The following TRERF1 variants were observed in gnomAD, a reference collection of about 807,000 sequenced individuals.
The protein encoded by TRERF1 is transcriptional regulating factor 1.
Under a neutral mutation model 122.9 loss-of-function variants are expected in TRERF1, and 27 were observed. That is an observed-to-expected ratio of 0.22 (90% CI 0.16 to 0.30). The LOEUF (loss-of-function observed/expected upper bound fraction) is 0.30, where lower values mean the gene tolerates loss of function less well. TRERF1 is among the 10% of genes least tolerant of loss of function. The probability of loss-of-function intolerance (pLI) is 1.00; values close to 1 mark genes in which losing one functional copy is unlikely to be tolerated. For synonymous variants in TRERF1, 636 were observed against 641.7 expected, an observed-to-expected ratio of 0.99 and a Z score of 0.13; for missense variants, 1,248 against 1,560.3, an observed-to-expected ratio of 0.80 and a Z score of 3.37.
chr6:42,449,711 G>A (rs535107437), intron 2 of TRERF1, among the ~76,000 whole-genome samples: 5 of 152,222 alleles, frequency 3.3e-5, no homozygotes, highest in Non-Finnish European at 5.9e-5. Context: ...TGCCTAGTTA[G>A]GAACATTTGA....
chr6:42,424,762 T>C (rs1367728169), intron 2 of TRERF1, among the ~76,000 whole-genome samples: 1 of 152,258 alleles, frequency 6.6e-6, no homozygotes. Context: ...CCCTGGTTAC[T>C]AATGAAATTA....
chr6:42,270,989 G>A (rs376857828), intron 4 of TRERF1, among the ~76,000 whole-genome samples: 5 of 151,536 alleles, frequency 3.3e-5, no homozygotes, highest in Non-Finnish European at 5.9e-5. Flanking sequence ...GGATGGTCTC[G>A]ATCTCCTGAC....
chr6:42,242,340 C>G (rs1773901223), intron 15 of TRERF1, among the ~76,000 whole-genome samples: 2 of 152,186 alleles, frequency 1.3e-5, no homozygotes, highest in Admixed American at 1.3e-4. Context: ...GAAAATAACA[C>G]ACATACATGT....
intron 4 of TRERF1, among the ~76,000 whole-genome samples, chr6:42,284,832 A>T (rs1273589793): frequency 6.6e-6 from 1 of 152,154 alleles, no homozygotes; most frequent in Non-Finnish European, 1.5e-5. Context: ...ATTGTGTTTC[A>T]TGCATTCAAA....
In TRERF1 at chr6:42,262,759, G is replaced by A. The variant is rs4432974; in HGVS notation, c.1884+561C>T. Among the ~76,000 whole-genome samples, 8 of 152,268 alleles carry A rather than the reference G, an allele frequency of 5.3e-5. No individual in the cohort carries two copies. In the South Asian group the frequency reaches 1.0e-3, roughly 20 times the overall value. Reference sequence around the variant, plus strand: ...GTGGAACTACTTTGGGAACTTTAACGAATTAGGTTCTCCAGGGTATTTAAG... The same window carrying A: ...GTGGAACTACTTTGGGAACTTTAACAAATTAGGTTCTCCAGGGTATTTAAG... On this transcript the variant is annotated intron_variant, in intron 8 of 17. Coordinates refer to ENST00000372922, the Ensembl canonical transcript of TRERF1.
chr6:42,263,205 C>T lies in TRERF1; in HGVS notation c.1884+115G>A. The T allele has an allele frequency of 6.9e-7, 1 of 1,457,832 alleles. No homozygotes were observed. Among genetic ancestry groups the T allele is most frequent in the Non-Finnish European group, 9.1e-7 (1 of 1,103,428 alleles). The allele number at this position is 1,457,832 out of a possible 1,614,324, so 90.3% of individuals were successfully genotyped here. On this transcript the variant is annotated intron_variant, in intron 8 of 17. Coordinates refer to ENST00000372922, the Ensembl canonical transcript of TRERF1. This position sits in a 1 kb window ranked among gnomAD's most constrained non-coding sequence, Gnocchi z 5.6. Reference sequence around the variant, plus strand: ...GACTCTGGAAGGGCCGCCCCATCTCCAAGAAAGCAAAGGGATGTCCCCACC... The same window carrying T: ...GACTCTGGAAGGGCCGCCCCATCTCTAAGAAAGCAAAGGGATGTCCCCACC...
chr6:42,415,943 C>G (rs1781771136), intron 2 of TRERF1, among the ~76,000 whole-genome samples: 2 of 152,122 alleles, frequency 1.3e-5, no homozygotes, highest in Non-Finnish European at 2.9e-5. Context: ...ATAACACTGA[C>G]TCTTTCTAGC....
intron 3 of TRERF1, among the ~76,000 whole-genome samples, chr6:42,349,054 C>A (rs1995871): frequency 6.6e-6 from 1 of 152,084 alleles, no homozygotes; most frequent in East Asian, 1.9e-4. Context: ...GTGCTTGGAA[C>A]TGCAGAAGGC....
chr6:42,297,207 C>G (rs1489945689), intron 4 of TRERF1, among the ~76,000 whole-genome samples: 1 of 152,174 alleles, frequency 6.6e-6, no homozygotes, highest in African/African-American at 2.4e-5. Context: ...AAAAGATATA[C>G]TTTTGGCAAT....
chr6:42,271,875 A>G (rs1780279782), intron 4 of TRERF1, among the ~76,000 whole-genome samples: 1 of 152,210 alleles, frequency 6.6e-6, no homozygotes, highest in Admixed American at 6.5e-5. Context: ...ATAAAAATAT[A>G]TTACACATAT....
chr6:42,233,547 A>G (rs561255202), intron 16 of TRERF1, among the ~76,000 whole-genome samples: 64 of 151,916 alleles, frequency 4.2e-4, no homozygotes, highest in Middle Eastern at 3.4e-3. Flanking sequence ...GGCCTCCCAA[A>G]GTGCTGGGAT....
chr6:42,449,266 G>T (rs931773073), intron 2 of TRERF1, among the ~76,000 whole-genome samples: 4 of 152,196 alleles, frequency 2.6e-5, no homozygotes, highest in Non-Finnish European at 5.9e-5. Flanking sequence ...GCTCTTTTTG[G>T]GATGTCAAGC....
chr6:42,255,815 G>A (rs1475687320), intron 12 of TRERF1, among the ~76,000 whole-genome samples: 1 of 152,192 alleles, frequency 6.6e-6, no homozygotes, highest in African/African-American at 2.4e-5. Flanking sequence ...ACAGAGGTTA[G>A]TGATTGAGTG....
At chr6:42,328,674 CT>C (rs975259348) in intron 3 of TRERF1, among the ~76,000 whole-genome samples, 5 of 152,140 alleles carry the variant, frequency 3.3e-5, no homozygotes, top group Non-Finnish European at 1.5e-5. Flanking sequence ...TAAGCAGAGT[CT>C]TAAGGGCCAC....
intron 2 of TRERF1, among the ~76,000 whole-genome samples, chr6:42,429,578 A>T (rs1267505465): frequency 1.3e-5 from 2 of 152,110 alleles, no homozygotes; most frequent in African/African-American, 2.4e-5. Flanking sequence ...AATCTTAATT[A>T]AAAAAAATTC....
At chr6:42,319,738 G>A (rs1196948421) in intron 3 of TRERF1, among the ~76,000 whole-genome samples, 3 of 149,958 alleles carry the variant, frequency 2.0e-5, no homozygotes, top group African/African-American at 7.4e-5. Flanking sequence ...TGGAAGGATT[G>A]CTTGAGCCTG....
At chr6:42,255,578 A>C (rs1478460227) in intron 12 of TRERF1, among the ~76,000 whole-genome samples, 2 of 152,186 alleles carry the variant, frequency 1.3e-5, no homozygotes, top group African/African-American at 4.8e-5. Context: ...CAAGCCTCTG[A>C]ATCAGAATCT....
At chr6:42,245,773 G>C (rs1774676186) in intron 14 of TRERF1, among the ~76,000 whole-genome samples, 1 of 152,234 alleles carries the variant, frequency 6.6e-6, no homozygotes. Flanking sequence ...CCTCTCCCCA[G>C]AAAGTTCTGT....
chr6:42,270,201 G>T lies in TRERF1; in HGVS notation c.-258-353C>A, dbSNP rs1397273578. Among the ~76,000 whole-genome samples, 6 of 152,154 alleles carry T rather than the reference G, an allele frequency of 3.9e-5. No individual in the cohort carries two copies. The East Asian group carries it at 1.2e-3, about 29-fold the overall frequency. Reference sequence around the variant, plus strand: ...ACCGCACCTCTCTCTCTCTCTGTGTGTGTGTATATATATATATGAAACAGG... The same window carrying T: ...ACCGCACCTCTCTCTCTCTCTGTGTTTGTGTATATATATATATGAAACAGG... On this transcript the variant is annotated intron_variant, in intron 4 of 17. Coordinates refer to ENST00000372922, the Ensembl canonical transcript of TRERF1.
Sources: gnomAD v4.1 joint callset for allele counts (sites outside exome capture counted in the v4.1 genomes callset) on GRCh38, gnomAD v4.1.1 for gene constraint, Gnocchi (gnomAD v3.1) non-coding constraint, MANE v1.5 for transcripts, NCBI Gene and HGNC (gene_info 2026-07-23, HGNC 2026-07-21) for gene names.